The following ADRA1B variants were observed in gnomAD, a reference collection of about 807,000 sequenced individuals.
ADRA1B encodes the protein alpha-1B adrenergic receptor.
In ADRA1B, 17 loss-of-function variants were observed where a neutral mutation model predicts 17.9. The ratio of observed to expected loss-of-function variants is 0.95; its 90% CI spans 0.65 to 1.42. The LOEUF is 1.42. Among genes scored for constraint, ADRA1B ranks in the 40% most tolerant of loss-of-function variants. The probability of loss-of-function intolerance (pLI) is 0.00; values close to 1 mark genes in which losing one functional copy is unlikely to be tolerated. For synonymous variants in ADRA1B, 366 were observed against 327.6 expected (o/e 1.12, Z -1.27); for missense variants, 681 against 722.1 (o/e 0.94, Z 0.65).
At chr5:159,899,271 G>GAAGGAAGGAAGGAAGGAAGGAAGA (rs1561585270) in intron 1 of ADRA1B, among the ~76,000 whole-genome samples, 340 of 116,036 alleles carry the variant, frequency 2.9e-3, no homozygotes, top group African/African-American at 0.011. Flanking sequence ...AGAAAGGAAG[G>GAAGGAAGGAAGGAAGGAAGGAAGA]AAGGAAGGAA....
Position 159,972,538 on chromosome 5 carries a change from G to A in ADRA1B, c.*46G>A. 3 of 1,098,658 alleles carry A rather than the reference G, an allele frequency of 2.7e-6. No individual in the cohort carries two copies. Among genetic ancestry groups the A allele is most frequent in the South Asian group, 4.7e-5 (2 of 42,678 alleles). The allele number at this position is 1,098,658 out of a possible 1,614,324, so 68.1% of individuals were successfully genotyped here. On this transcript the variant is annotated 3_prime_UTR_variant, in exon 2 of 2. Coordinates refer to ENST00000306675, the MANE Select transcript of ADRA1B (RefSeq NM_000679.4). ...TTTCCCTGGGGAGGAAAACATCGTG[G>A]GGGGGAGGGGAGGGCGGGGCGGAGG... is the stretch of plus-strand genomic sequence containing the variant.
rs1476451483 is a variant in ADRA1B, at chr5:159,972,478, C to T, written c.1549C>T (p.Pro517Ser). ...CTTCAAAAGCAACATGCCCCTGGCG[C>T]CCGGGCAGTTTTAGGGCCCCCGTGC... is the stretch of plus-strand genomic sequence containing the variant. ...PGFKSNMPLAPGQF is the reference protein window; with the variant it reads ...PGFKSNMPLASGQF Residue 517 changes from proline (P) to serine (S), a missense_variant, in exon 2 of 2, where the codon CCC (proline) becomes TCC (serine). Around this residue, in one of 3 missense-constraint regions of ADRA1B, gnomAD observed 251 missense variants for 224.9 expected, o/e 1.12. Coordinates refer to ENST00000306675, the MANE Select transcript of ADRA1B (RefSeq NM_000679.4). 7.2e-7 allele frequency: 1 copy of T among 1,383,868 alleles called. No homozygotes were observed. The highest frequency in any genetic ancestry group is 9.5e-7 in the Non-Finnish European group (1 of 1,056,010). The allele number at this position is 1,383,868 out of a possible 1,614,324, so 85.7% of individuals were successfully genotyped here. A position where few individuals can be genotyped will look rare whatever the true frequency, so the allele number is the denominator to read the frequency against.
chr5:159,897,060 G>A (rs1186682811), intron 1 of ADRA1B, among the ~76,000 whole-genome samples: 4 of 152,206 alleles, frequency 2.6e-5, no homozygotes, highest in African/African-American at 9.6e-5. Flanking sequence ...TCAAGGCTCA[G>A]ACAACCAAGC....
upstream of ADRA1B, among the ~76,000 whole-genome samples, chr5:159,911,859 T>G (rs553962928): frequency 6.6e-6 from 1 of 152,164 alleles, no homozygotes; most frequent in Non-Finnish European, 1.5e-5. Flanking sequence ...CTAAAGCAGA[T>G]GCCTCACTCC....
chr5:159,917,049 G>T lies in ADRA1B; in HGVS notation c.144G>T (p.Val48=). The change falls in exon 1 of 2, where the codon GTG becomes GTT. Residue 48 remains valine, a synonymous_variant. Transcript: ENST00000306675. ...PQLDITRAIS[V]GLVLGAFILF... Reference sequence around the variant, plus strand: ...TGGACATCACCAGGGCCATCTCTGTGGGCCTGGTGCTGGGCGCCTTCATCC... The same window carrying T: ...TGGACATCACCAGGGCCATCTCTGTTGGCCTGGTGCTGGGCGCCTTCATCC... The T allele has an allele frequency of 6.2e-7, 1 of 1,614,176 alleles. No homozygotes were observed. Among genetic ancestry groups the T allele is most frequent in the East Asian group, 2.2e-5 (1 of 44,874 alleles).
At chr5:159,879,864 C>T (rs562321757) in intron 1 of ADRA1B, among the ~76,000 whole-genome samples, 20 of 151,946 alleles carry the variant, frequency 1.3e-4, no homozygotes, top group African/African-American at 1.9e-4. Context: ...GGCGTGGTGG[C>T]GGGCGCCTGT....
intron 1 of ADRA1B, among the ~76,000 whole-genome samples, chr5:159,909,480 G>A (rs956756932): frequency 6.6e-6 from 1 of 152,314 alleles, no homozygotes; most frequent in Middle Eastern, 3.4e-3. Context: ...TCCCCCAAAA[G>A]GGTTGGATGG....
chr5:159,879,009 G>C (rs968229501), intron 1 of ADRA1B, among the ~76,000 whole-genome samples: 9 of 151,926 alleles, frequency 5.9e-5, no homozygotes, highest in African/African-American at 1.9e-4. Context: ...TCCTCACCCC[G>C]GCCCTGGGTG....
chr5:159,879,822 C>T (rs1753836786), intron 1 of ADRA1B, among the ~76,000 whole-genome samples: 1 of 152,092 alleles, frequency 6.6e-6, no homozygotes, highest in Non-Finnish European at 1.5e-5. Flanking sequence ...ATGGTGAGAC[C>T]CTGTCTCTAC....
chr5:159,968,979 A>G (rs931306049), intron 1 of ADRA1B, among the ~76,000 whole-genome samples: 8 of 152,202 alleles, frequency 5.3e-5, no homozygotes, highest in African/African-American at 1.9e-4. Flanking sequence ...GTGAACAGAG[A>G]CAACTCCCCA....
At chr5:159,931,267 G>T (rs1561597175) in intron 1 of ADRA1B, among the ~76,000 whole-genome samples, 1 of 151,564 alleles carries the variant, frequency 6.6e-6, no homozygotes, top group African/African-American at 2.4e-5. Context: ...GGTAGCACAG[G>T]CCTGTAGTCC....
At chr5:159,969,936 A>T (rs185231730) in intron 1 of ADRA1B, among the ~76,000 whole-genome samples, 2,131 of 145,030 alleles carry the variant, frequency 0.015, 17 homozygotes, top group East Asian at 0.025. Context: ...GCATTTTTTT[A>T]AAAAAAAAAC....
At chr5:159,893,378 T>A (rs144001135) in intron 1 of ADRA1B, among the ~76,000 whole-genome samples, 26 of 40,216 alleles carry the variant, frequency 6.5e-4, no homozygotes, top group African/African-American at 4.3e-3. Context: ...CAGTGCCTTA[T>A]CCATAGGAAG....
intron 1 of ADRA1B, among the ~76,000 whole-genome samples, chr5:159,962,669 C>CTT (rs113639158): frequency 0.011 from 1,314 of 124,812 alleles, 42 homozygotes; most frequent in African/African-American, 0.037. Context: ...TGTTTTTCAG[C>CTT]TTTTTTTTTT....
At chr5:159,931,268 C>G (rs1473312672) in intron 1 of ADRA1B, among the ~76,000 whole-genome samples, 1 of 151,668 alleles carries the variant, frequency 6.6e-6, no homozygotes, top group Non-Finnish European at 1.5e-5. Context: ...GTAGCACAGG[C>G]CTGTAGTCCC....
At chr5:159,968,025 C>G (rs1278633172) in intron 1 of ADRA1B, among the ~76,000 whole-genome samples, 1 of 152,202 alleles carries the variant, frequency 6.6e-6, no homozygotes, top group Admixed American at 6.5e-5. Flanking sequence ...TGAATGGCCT[C>G]TTAGCTGCCA....
chr5:159,913,533 C>G (rs778734196), upstream of ADRA1B, among the ~76,000 whole-genome samples: 2 of 152,220 alleles, frequency 1.3e-5, no homozygotes, highest in African/African-American at 4.8e-5. Flanking sequence ...GGATTTTGAA[C>G]TTGTCAATCT....
intron 1 of ADRA1B, among the ~76,000 whole-genome samples, chr5:159,888,946 C>T (rs1409158154): frequency 6.6e-6 from 1 of 152,192 alleles, no homozygotes; most frequent in Non-Finnish European, 1.5e-5. Flanking sequence ...TGATTAGTTG[C>T]AGCCAAAAAC....
chr5:159,961,657 A>G (rs1181262144), intron 1 of ADRA1B, among the ~76,000 whole-genome samples: 5 of 152,216 alleles, frequency 3.3e-5, no homozygotes, highest in African/African-American at 9.7e-5. Context: ...CACACTGCAA[A>G]GGAGTTCCAC....
Sources: gnomAD v4.1 joint callset for allele counts (sites outside exome capture counted in the v4.1 genomes callset) on GRCh38, gnomAD v4.1.1 for gene constraint, gnomAD v4.1.1 regional missense constraint, MANE v1.5 for transcripts, NCBI Gene and HGNC (gene_info 2026-07-23, HGNC 2026-07-21) for gene names.